Variants in TACR3 observed in about 807,000 individuals in gnomAD.
TACR3 encodes tachykinin receptor 3, also known as neuromedin-K receptor.
Under a neutral mutation model 35.0 loss-of-function variants are expected in TACR3, and 34 were observed. The observed-to-expected ratio is 0.97, with a 90% CI of 0.74 to 1.30. The LOEUF (loss-of-function observed/expected upper bound fraction) is 1.30, where lower values mean the gene tolerates loss of function less well. Ranked by LOEUF, TACR3 falls within the 50% of genes most tolerant of loss-of-function variation. The probability of loss-of-function intolerance (pLI) is 0.00; values close to 1 mark genes in which losing one functional copy is unlikely to be tolerated. For missense variants in TACR3, 558 were observed against 591.7 expected, an observed-to-expected ratio of 0.94 and a Z score of 0.59; for synonymous variants, 233 against 221.1, an observed-to-expected ratio of 1.05 and a Z score of -0.48.
intron 3 of TACR3, among the ~76,000 whole-genome samples, chr4:103,626,916 C>T (rs1027743700): frequency 6.6e-6 from 1 of 151,630 alleles, no homozygotes; most frequent in Non-Finnish European, 1.5e-5. Flanking sequence ...AGCTCACACC[C>T]GTTATCCCAG....
Position 103,667,712 on chromosome 4 carries a change from C to T in TACR3, c.549-9309G>A, listed in dbSNP as rs149556822. Among the ~76,000 whole-genome samples, 217 of 152,172 alleles carry T rather than the reference C, an allele frequency of 1.4e-3. 1 individual carries two copies. Among genetic ancestry groups the T allele is most frequent in the African/African-American group, 4.9e-3 (204 of 41,522 alleles). On this transcript the variant is annotated intron_variant, in intron 1 of 4. Transcript: ENST00000304883. Reference sequence around the variant, plus strand: ...AATGTAAGAAATCTGCACTTATAACCCCCTCAAAGTTGTAAAACATTTAAA... The same window carrying T: ...AATGTAAGAAATCTGCACTTATAACTCCCTCAAAGTTGTAAAACATTTAAA...
chr4:103,617,201 G>GACCTTTAAAT (rs1450223317), intron 3 of TACR3, among the ~76,000 whole-genome samples: 2 of 152,030 alleles, frequency 1.3e-5, no homozygotes, highest in Admixed American at 6.6e-5. Flanking sequence ...TAGCAGGGAA[G>GACCTTTAAAT]ACCTTTAAAT....
intron 1 of TACR3, among the ~76,000 whole-genome samples, chr4:103,677,545 G>T (rs1726197270): frequency 6.6e-6 from 1 of 152,136 alleles, no homozygotes; most frequent in Admixed American, 6.6e-5. Context: ...ATGAGATTAT[G>T]TCCTTTGCAG....
chr4:103,606,457 G>T (rs1477837946), intron 3 of TACR3, among the ~76,000 whole-genome samples: 1 of 152,188 alleles, frequency 6.6e-6, no homozygotes, highest in African/African-American at 2.4e-5. Context: ...CTATCCATGA[G>T]CATGGACTGT....
chr4:103,685,237 A>G (rs1023838490), intron 1 of TACR3, among the ~76,000 whole-genome samples: 2 of 152,054 alleles, frequency 1.3e-5, no homozygotes, highest in Admixed American at 1.3e-4. Flanking sequence ...ATTTTTGTCA[A>G]TGGTATAAAG....
chr4:103,664,389 G>A (rs115363514), intron 1 of TACR3, among the ~76,000 whole-genome samples: 2,852 of 151,994 alleles, frequency 0.019, 83 homozygotes, highest in African/African-American at 0.066. Flanking sequence ...CCTTTTGTTG[G>A]CATTTTTATT....
intron 1 of TACR3, among the ~76,000 whole-genome samples, chr4:103,698,009 A>T (rs1457003391): frequency 6.6e-6 from 1 of 152,208 alleles, no homozygotes; most frequent in Non-Finnish European, 1.5e-5. Flanking sequence ...TTATTTTAAA[A>T]GATAATATTG....
At chr4:103,608,693 G>A (rs1474463948) in intron 3 of TACR3, among the ~76,000 whole-genome samples, 7 of 152,082 alleles carry the variant, frequency 4.6e-5, no homozygotes, top group Non-Finnish European at 8.8e-5. Context: ...CCTATAGGTC[G>A]CCAAGTACAA....
intron 3 of TACR3, among the ~76,000 whole-genome samples, chr4:103,609,971 A>G (rs1174229962): frequency 1.3e-5 from 2 of 152,098 alleles, no homozygotes; most frequent in African/African-American, 2.4e-5. Flanking sequence ...ATGACTAACT[A>G]GCATTGTATT....
intron 1 of TACR3, among the ~76,000 whole-genome samples, chr4:103,678,202 AC>A (rs1726213773): frequency 6.6e-6 from 1 of 152,148 alleles, no homozygotes; most frequent in East Asian, 1.9e-4. Context: ...CATTGGATGT[AC>A]TAGGAATTCA....
intron 1 of TACR3, among the ~76,000 whole-genome samples, chr4:103,691,691 TG>T (rs1180154267): frequency 6.6e-6 from 1 of 152,080 alleles, no homozygotes; most frequent in Admixed American, 6.6e-5. Context: ...TGGAAGGTTG[TG>T]GGTTTACGGG....
chr4:103,682,344 G>A (rs1242024098), intron 1 of TACR3, among the ~76,000 whole-genome samples: 1 of 152,122 alleles, frequency 6.6e-6, no homozygotes, highest in African/African-American at 2.4e-5. Context: ...AGGTTTAATT[G>A]ACTCACAGTT....
At chr4:103,596,351 G>T (rs1724015903) in intron 3 of TACR3, among the ~76,000 whole-genome samples, 1 of 151,838 alleles carries the variant, frequency 6.6e-6, no homozygotes, top group African/African-American at 2.4e-5. Flanking sequence ...GGTTGAACTA[G>T]TTTACAGTCC....
intron 3 of TACR3, among the ~76,000 whole-genome samples, chr4:103,601,065 G>A (rs28855533): frequency 0.022 from 3,386 of 152,220 alleles, 130 homozygotes; most frequent in African/African-American, 0.078. Context: ...GGATGTTAAA[G>A]TCTCCCATTA....
At chr4:103,645,016 T>A (rs1331727306) in intron 3 of TACR3, among the ~76,000 whole-genome samples, 1 of 151,876 alleles carries the variant, frequency 6.6e-6, no homozygotes, top group Non-Finnish European at 1.5e-5. Flanking sequence ...TTCAAGGTTT[T>A]TTTAAATTAC....
chr4:103,597,955 T>TG (rs1724079949), intron 3 of TACR3, among the ~76,000 whole-genome samples: 2 of 152,216 alleles, frequency 1.3e-5, no homozygotes, highest in South Asian at 4.1e-4. Flanking sequence ...TATAATCCTT[T>TG]GGGGATATAC....
chr4:103,602,149 C>G (rs1042474639), intron 3 of TACR3, among the ~76,000 whole-genome samples: 8 of 152,198 alleles, frequency 5.3e-5, no homozygotes, highest in African/African-American at 1.9e-4. Context: ...TCTTCCATCA[C>G]TGATACCCTT....
chr4:103,643,316 T>C (rs1221680971), intron 3 of TACR3, among the ~76,000 whole-genome samples: 1 of 151,774 alleles, frequency 6.6e-6, no homozygotes. Flanking sequence ...AAACTTTTTA[T>C]TGGACAGCAC....
chr4:103,710,177 T>C (rs1174257812), intron 1 of TACR3, among the ~76,000 whole-genome samples: 1 of 152,084 alleles, frequency 6.6e-6, no homozygotes, highest in African/African-American at 2.4e-5. Context: ...TCTACAGAAC[T>C]CTCCACCGCA....
Sources: allele counts gnomAD v4.1 joint callset (sites outside exome capture counted in the v4.1 genomes callset), GRCh38; gene constraint gnomAD v4.1.1; transcripts MANE v1.5; gene names NCBI Gene and HGNC (gene_info 2026-07-23, HGNC 2026-07-21).